PKNOX2: variants seen among roughly 807,000 people sequenced by gnomAD.
The protein encoded by PKNOX2 is homeobox protein PKNOX2.
Under a neutral mutation model 53.1 loss-of-function variants are expected in PKNOX2, and 14 were observed. The observed-to-expected ratio is 0.26, with a 90% CI of 0.17 to 0.41. The LOEUF is 0.41. Among genes scored for constraint, PKNOX2 ranks in the 10% least tolerant of loss-of-function variants. The pLI is 1.00. For synonymous variants in PKNOX2, 257 were observed against 242.8 expected (o/e 1.06, Z -0.54); for missense variants, 496 against 602.8 (o/e 0.82, Z 1.85).
intron 1 of PKNOX2, among the ~76,000 whole-genome samples, chr11:125,224,195 C>T (rs1476474281): frequency 6.6e-6 from 1 of 152,264 alleles, no homozygotes. Context: ...CTCAGCAGGG[C>T]CTTCCCTGGC....
chr11:125,270,782 CAT>C (rs1945735211), intron 2 of PKNOX2, among the ~76,000 whole-genome samples: 1 of 152,202 alleles, frequency 6.6e-6, no homozygotes, highest in Admixed American at 6.5e-5. Flanking sequence ...CTCTGCATTT[CAT>C]GTTTCCCAGG....
intron 2 of PKNOX2, among the ~76,000 whole-genome samples, chr11:125,242,395 C>T (rs2135607909): frequency 6.6e-6 from 1 of 152,294 alleles, no homozygotes; most frequent in Non-Finnish European, 1.5e-5. Flanking sequence ...AGCTAAGCCG[C>T]TCTGGGAGTT....
At chr11:125,317,356 TC>T (rs2136043910) in intron 2 of PKNOX2, among the ~76,000 whole-genome samples, 1 of 152,358 alleles carries the variant, frequency 6.6e-6, no homozygotes, top group East Asian at 1.9e-4. Flanking sequence ...GTGAATCCTT[TC>T]CAGAAAGTTT....
At chr11:125,399,868 G>A (rs769528693) in intron 7 of PKNOX2, among the ~76,000 whole-genome samples, 15 of 152,238 alleles carry the variant, frequency 9.9e-5, no homozygotes, top group Non-Finnish European at 1.6e-4. Context: ...GGAGGTCTGA[G>A]ACTGACAAGT....
At chr11:125,289,836 G>A (rs1947190955) in intron 2 of PKNOX2, among the ~76,000 whole-genome samples, 1 of 152,220 alleles carries the variant, frequency 6.6e-6, no homozygotes, top group South Asian at 2.1e-4. Context: ...CTCATTAGCT[G>A]TGTAAGCACC....
intron 2 of PKNOX2, among the ~76,000 whole-genome samples, chr11:125,280,468 C>A (rs1163383392): frequency 6.6e-6 from 1 of 152,184 alleles, no homozygotes; most frequent in Non-Finnish European, 1.5e-5. Context: ...TCATGTCTGG[C>A]ACTCAGGGGT....
intron 5 of PKNOX2, among the ~76,000 whole-genome samples, chr11:125,374,285 G>T (rs1356753289): frequency 1.3e-5 from 2 of 152,092 alleles, no homozygotes; most frequent in East Asian, 1.9e-4. Flanking sequence ...CGGATGCTTC[G>T]TGCCAGGGCC....
chr11:125,177,088 A>G (rs1955765994), intron 1 of PKNOX2, among the ~76,000 whole-genome samples: 1 of 152,114 alleles, frequency 6.6e-6, no homozygotes, highest in South Asian at 2.1e-4. Flanking sequence ...GACTCAGCCC[A>G]TTTTGCTCAG....
At chr11:125,349,036 T>G (rs1178568388) in intron 3 of PKNOX2, among the ~76,000 whole-genome samples, 1 of 152,164 alleles carries the variant, frequency 6.6e-6, no homozygotes, top group African/African-American at 2.4e-5. Flanking sequence ...GATTCCACCA[T>G]CCTGGCCCTT....
intron 1 of PKNOX2, among the ~76,000 whole-genome samples, chr11:125,172,047 A>T (rs562521088): frequency 5.9e-5 from 9 of 152,260 alleles, no homozygotes; most frequent in African/African-American, 1.9e-4. Context: ...GCCTCTGCAG[A>T]GTGTTAGAGG....
At chr11:125,309,667 C>G (rs947232954) in intron 2 of PKNOX2, among the ~76,000 whole-genome samples, 3 of 152,114 alleles carry the variant, frequency 2.0e-5, no homozygotes, top group Non-Finnish European at 2.9e-5. Context: ...AAATTACAGG[C>G]GTGAGCGACT....
At chr11:125,386,753 C>CACAT (rs1953664132) in intron 6 of PKNOX2, among the ~76,000 whole-genome samples, 1 of 149,420 alleles carries the variant, frequency 6.7e-6, no homozygotes, top group Non-Finnish European at 1.5e-5. Flanking sequence ...CACACACACA[C>CACAT]TGCATCTGCA....
intron 1 of PKNOX2, among the ~76,000 whole-genome samples, chr11:125,214,429 C>T (rs1413356406): frequency 6.6e-6 from 1 of 152,082 alleles, no homozygotes; most frequent in African/African-American, 2.4e-5. Context: ...TGTTGTCAGC[C>T]TCTTTTCTTC....
chr11:125,242,172 T>C (rs1457340944), intron 2 of PKNOX2, among the ~76,000 whole-genome samples: 1 of 152,194 alleles, frequency 6.6e-6, no homozygotes, highest in African/African-American at 2.4e-5. Flanking sequence ...CTGTCTCATT[T>C]CGCACATGCT....
chr11:125,232,388 G>A (rs748485294), intron 1 of PKNOX2, among the ~76,000 whole-genome samples: 1 of 152,160 alleles, frequency 6.6e-6, no homozygotes, highest in Non-Finnish European at 1.5e-5. Flanking sequence ...AGCGTTCTAC[G>A]AACCTTTCAG....
At position 125,351,469 on chromosome 11, in the gene PKNOX2, G is replaced by A; in HGVS notation, c.87+77G>A. On this transcript the variant is annotated intron_variant, in intron 4 of 12. Transcript: ENST00000298282. ...CCTTAGAGCCCCAGCTGCAGGCTGG[G>A]ACATTCCAGGGGCCGACGGGCAGAG... 3 of 956,438 alleles carry A rather than the reference G, an allele frequency of 3.1e-6. No individual in the cohort carries two copies. In the South Asian group the frequency reaches 4.4e-5, roughly 14 times the overall value. 59.2% of individuals were successfully genotyped at this position (956,438 alleles called of 1,614,324 possible).
intron 1 of PKNOX2, among the ~76,000 whole-genome samples, chr11:125,170,604 G>C (rs1055154613): frequency 6.6e-6 from 1 of 152,240 alleles, no homozygotes; most frequent in African/African-American, 2.4e-5. Context: ...GGGATCTGCT[G>C]TTTGGCTTGG....
chr11:125,378,834 TC>T (rs1953009818), intron 5 of PKNOX2, among the ~76,000 whole-genome samples: 1 of 152,198 alleles, frequency 6.6e-6, no homozygotes, highest in African/African-American at 2.4e-5. Context: ...TGGTGCTGTT[TC>T]TGTCTGCATA....
intron 1 of PKNOX2, among the ~76,000 whole-genome samples, chr11:125,223,883 CATG>C (rs1225693234): frequency 6.6e-6 from 1 of 152,180 alleles, no homozygotes; most frequent in Non-Finnish European, 1.5e-5. Context: ...TTGGTAAAGG[CATG>C]ATATCTCCTA....
Sources: gnomAD v4.1 joint callset for allele counts (sites outside exome capture counted in the v4.1 genomes callset) on GRCh38, gnomAD v4.1.1 for gene constraint, MANE v1.5 for transcripts, NCBI Gene and HGNC (gene_info 2026-07-23, HGNC 2026-07-21) for gene names.